Variants in FKBP15 observed in about 807,000 individuals in gnomAD.
FKBP15 encodes FK506-binding protein 15.
Under a neutral mutation model 158.1 loss-of-function variants are expected in FKBP15, and 106 were observed. The observed-to-expected ratio is 0.67, with a 90% confidence interval of 0.57 to 0.79. The LOEUF (loss-of-function observed/expected upper bound fraction) is 0.79. Ranked by LOEUF, FKBP15 falls within the 30% of genes least tolerant of loss-of-function variation. The pLI is 0.00. For missense variants in FKBP15, 1,287 were observed against 1,479.1 expected, an observed-to-expected ratio of 0.87 and a Z score of 2.13; for synonymous variants, 547 against 548.6, an observed-to-expected ratio of 1.00 and a Z score of 0.04.
chr9:113,221,122 G>T, intron 1 of FKBP15, 69 bp downstream of exon 1: 1 of 1,489,988 alleles, frequency 6.7e-7, no homozygotes. Flanking sequence ...AGAAGAGATC[G>T]ACCCCCCTCC....
chr9:113,208,377 T>C (rs1347144654), intron 2 of FKBP15, among the ~76,000 whole-genome samples: 1 of 151,986 alleles, frequency 6.6e-6, no homozygotes, highest in African/African-American at 2.4e-5. Context: ...GACTACAGAG[T>C]AACACTAACA....
chr9:113,174,372 T>C (rs1459879912), intron 22 of FKBP15, 56 bp downstream of exon 22: 2 of 1,559,750 alleles, frequency 1.3e-6, no homozygotes, highest in East Asian at 2.3e-5. Flanking sequence ...GAAGCTTTTC[T>C]CTCTGAGTCC....
chr9:113,209,913 G>C (rs1830965959), intron 2 of FKBP15, among the ~76,000 whole-genome samples: 1 of 152,318 alleles, frequency 6.6e-6, no homozygotes, highest in South Asian at 2.1e-4. Context: ...AACTCCATGT[G>C]TTATAACTGT....
intron 1 of FKBP15, among the ~76,000 whole-genome samples, chr9:113,213,302 G>A (rs1196183936): frequency 2.0e-5 from 3 of 152,004 alleles, no homozygotes; most frequent in African/African-American, 4.8e-5. Context: ...CCAGCTACTC[G>A]GGAGGCTGAG....
intron 19 of FKBP15, among the ~76,000 whole-genome samples, chr9:113,179,428 C>A (rs1255309229): frequency 2.6e-5 from 4 of 152,110 alleles, no homozygotes; most frequent in Admixed American, 6.5e-5. Context: ...CTTTGGGAGG[C>A]CGAAGCGGGC....
At position 113,198,989 on chromosome 9, in the gene FKBP15, CAACT is replaced by C. The variant is rs1830737042; in HGVS notation, c.649-70_649-67del. 5.8e-6 allele frequency: 6 copies of C among 1,028,100 alleles called. No homozygotes were observed. The Admixed American group carries it at 1.0e-4, about 17-fold the overall frequency. The allele number at this position is 1,028,100 out of a possible 1,614,324, so 63.7% of individuals were successfully genotyped here. On this transcript the variant is annotated intron_variant, in intron 7 of 27. Transcript: ENST00000238256. This position sits in a 1 kb window ranked among gnomAD's most constrained non-coding sequence, Gnocchi z 5.2. ...AAATAATAATAACCATTATGATATT[CAACT>C]AACTACATACCAGCACACTACTTCT...
chr9:113,194,055 G>A lies in FKBP15; in HGVS notation c.979C>T (p.Pro327Ser), dbSNP rs1216510438. Reference sequence around the variant, plus strand: ...GATTTGAAAGGTATTGATGTGGGTGGTGACACAACAGGATCAGCAGAGAGG... The same window carrying A: ...GATTTGAAAGGTATTGATGTGGGTGATGACACAACAGGATCAGCAGAGAGG... Reference protein sequence around the residue: ...DNLSADPVVSPPTSIPFKSGE... With the variant: ...DNLSADPVVSSPTSIPFKSGE... The change falls in exon 10 of 28, where the codon CCA (proline) becomes TCA (serine). Residue 327 changes from proline (P) to serine (S), a missense_variant. By Grantham distance (74) the Pro-to-Ser change is moderately conservative. Coordinates refer to ENST00000238256, the MANE Select transcript of FKBP15 (RefSeq NM_015258.2). The A allele has an allele frequency of 1.9e-6, 3 of 1,612,906 alleles. No individual in the cohort carries two copies. Among genetic ancestry groups the A allele is most frequent in the Admixed American group, 1.7e-5 (1 of 59,930 alleles).
At chr9:113,220,801 C>T (rs1318200321) in intron 1 of FKBP15, among the ~76,000 whole-genome samples, 11 of 152,126 alleles carry the variant, frequency 7.2e-5, no homozygotes, top group Admixed American at 7.2e-4. Context: ...TAGAGCTGAC[C>T]CACCAAGGCC....
At chr9:113,208,173 C>G (rs1209400050) in intron 2 of FKBP15, among the ~76,000 whole-genome samples, 2 of 152,066 alleles carry the variant, frequency 1.3e-5, no homozygotes, top group East Asian at 3.9e-4. Flanking sequence ...CTTATCTCTA[C>G]TAAAAATACA....
In FKBP15 at chr9:113,165,039, AATT is replaced by A. The variant is rs1023136012; in HGVS notation, c.*1036_*1038del. ...TCAAGAAACATTTTTTATTAAAATT[AATT>A]ATTCTGTTTTTTTAAAGACTGATTG... On this transcript the variant is annotated 3_prime_UTR_variant, in exon 28 of 28. Transcript: ENST00000238256. 5 of 141,900 alleles carry A rather than the reference AATT, an allele frequency of 3.5e-5. No individual in the cohort carries two copies. The highest frequency in any genetic ancestry group is 1.3e-4 in the African/African-American group (5 of 38,620). 8.8% of individuals were successfully genotyped at this position (141,900 alleles called of 1,614,324 possible).
intron 24 of FKBP15, among the ~76,000 whole-genome samples, chr9:113,171,349 C>A (rs1830205580): frequency 6.6e-6 from 1 of 152,208 alleles, no homozygotes; most frequent in African/African-American, 2.4e-5. Flanking sequence ...TCGCTTGAAC[C>A]TGGGAGGCGG....
rs1479270128 is a variant in FKBP15 at position 113,180,200 on chromosome 9, AG to A, written c.1915-1400del. The stretch of plus-strand genomic sequence containing the variant: ...ATCACCCAAAAGCTCTTTTTATCTC[AG>A]GTCCTTAGCTAGAAAGGCCTCTCAG... On this transcript the variant is annotated intron_variant, in intron 19 of 27. Coordinates refer to ENST00000238256, the MANE Select transcript of FKBP15 (RefSeq NM_015258.2). Among the ~76,000 whole-genome samples, 31 of 152,324 alleles carry A rather than the reference AG, an allele frequency of 2.0e-4. No individual in the cohort carries two copies. The East Asian group carries it at 4.0e-3, about 20-fold the overall frequency.
chr9:113,204,960 C>T (rs1483595686), intron 4 of FKBP15, among the ~76,000 whole-genome samples: 3 of 152,000 alleles, frequency 2.0e-5, no homozygotes, highest in Admixed American at 6.6e-5. Flanking sequence ...GAGTCTGCTC[C>T]TAGTTTATTT....
At chr9:113,217,794 C>T (rs927310509) in intron 1 of FKBP15, among the ~76,000 whole-genome samples, 1 of 152,110 alleles carries the variant, frequency 6.6e-6, no homozygotes, top group African/African-American at 2.4e-5. Flanking sequence ...TGAGCCATGA[C>T]TGCACCAGTG....
At chr9:113,208,265 AG>A (rs1375423484) in intron 2 of FKBP15, among the ~76,000 whole-genome samples, 1 of 151,944 alleles carries the variant, frequency 6.6e-6, no homozygotes, top group Admixed American at 6.6e-5. Flanking sequence ...TGAGCCTGGG[AG>A]GCAGAGGTTG....
At position 113,193,568 on chromosome 9, in the gene FKBP15, T is replaced by C. The variant is rs773847282; in HGVS notation, c.1008-19A>G. 6.3e-7 allele frequency: 1 copy of C among 1,585,586 alleles called. No homozygotes were observed. The highest frequency in any genetic ancestry group is 8.6e-7 in the Non-Finnish European group (1 of 1,163,492). Reference sequence around the variant, plus strand: ...TGGCTCCCTGAAAGCAAATAGACCATATTCCAAGATTGAAAACAAAATCCA... The same window carrying C: ...TGGCTCCCTGAAAGCAAATAGACCACATTCCAAGATTGAAAACAAAATCCA... On this transcript the variant is annotated intron_variant, in intron 10 of 27. Coordinates refer to ENST00000238256, the MANE Select transcript of FKBP15 (RefSeq NM_015258.2).
In FKBP15 at chr9:113,163,018, A is replaced by C. The variant is rs1587943632; in HGVS notation, c.*3060T>G. 2 of 1,133,630 alleles carry C rather than the reference A, an allele frequency of 1.8e-6. No individual in the cohort carries two copies. The highest frequency in any genetic ancestry group is 2.4e-6 in the Non-Finnish European group (2 of 836,736). The allele number at this position is 1,133,630 out of a possible 1,614,324, so 70.2% of individuals were successfully genotyped here. The stretch of plus-strand genomic sequence containing the variant: ...CCTTTCTTCTGATGGCTATTCCTCC[A>C]CCTTATTCCCAGCCCCTGGAAACTT... On this transcript the variant is annotated 3_prime_UTR_variant, in exon 28 of 28. Transcript: ENST00000238256.
chr9:113,220,963 C>T (rs1831239656), intron 1 of FKBP15, among the ~76,000 whole-genome samples: 1 of 152,144 alleles, frequency 6.6e-6, no homozygotes, highest in Non-Finnish European at 1.5e-5. Context: ...AAAGGCAAAC[C>T]CAGGGCTATC....
intron 11 of FKBP15, among the ~76,000 whole-genome samples, chr9:113,193,279 T>C (rs1409578676): frequency 1.3e-5 from 2 of 152,152 alleles, no homozygotes; most frequent in East Asian, 3.8e-4. Flanking sequence ...TTTTTTTCTC[T>C]AACCTACCAT....
Sources: gnomAD v4.1 joint callset for allele counts (sites outside exome capture counted in the v4.1 genomes callset) on GRCh38, gnomAD v4.1.1 for gene constraint, Gnocchi (gnomAD v3.1) non-coding constraint, MANE v1.5 for transcripts, NCBI Gene and HGNC (gene_info 2026-07-23, HGNC 2026-07-21) for gene names.